Variants in STPG2 observed in about 807,000 individuals in gnomAD.
STPG2 encodes the protein sperm tail PG-rich repeat containing 2, also known as sperm-tail PG-rich repeat-containing protein 2.
In STPG2, 56 loss-of-function variants were observed where a neutral mutation model predicts 54.2. The observed-to-expected ratio is 1.03, with a 90% CI of 0.83 to 1.29. The LOEUF is 1.29. Ranked by LOEUF, STPG2 falls within the 50% of genes most tolerant of loss-of-function variation. STPG2 has a pLI of 0.00. For missense variants in STPG2, 596 were observed against 544.9 expected (o/e 1.09, Z -0.93); for synonymous variants, 200 against 181.8 (o/e 1.10, Z -0.81).
chr4:97,760,604 A>T (rs988989740), intron 9 of STPG2, among the ~76,000 whole-genome samples: 1 of 152,176 alleles, frequency 6.6e-6, no homozygotes, highest in Non-Finnish European at 1.5e-5. Context: ...GAAACAGATG[A>T]GAATCAGAAA....
chr4:97,541,134 A>C (rs1731692267), intron 4 of STPG2, among the ~76,000 whole-genome samples: 1 of 152,204 alleles, frequency 6.6e-6, no homozygotes, highest in Non-Finnish European at 1.5e-5. Context: ...ATCAGGCAGG[A>C]GAAGGAAATA....
At chr4:97,963,112 T>A (rs1257401792) in intron 7 of STPG2, among the ~76,000 whole-genome samples, 1 of 152,004 alleles carries the variant, frequency 6.6e-6, no homozygotes, top group African/African-American at 2.4e-5. Flanking sequence ...TGAGCAGACA[T>A]CGCACCATTG....
At chr4:97,987,398 G>T (rs1391090147) in intron 5 of STPG2, among the ~76,000 whole-genome samples, 1 of 152,052 alleles carries the variant, frequency 6.6e-6, no homozygotes, top group Admixed American at 6.5e-5. Flanking sequence ...AAATCAACGT[G>T]TTTTTTCCAT....
chr4:97,595,184 A>G (rs937411569), intron 10 of STPG2, among the ~76,000 whole-genome samples: 13 of 152,196 alleles, frequency 8.5e-5, no homozygotes, highest in Non-Finnish European at 1.2e-4. Context: ...ACAATAGCAA[A>G]GACTTGGAAC....
chr4:97,946,982 C>A (rs1733252131), intron 7 of STPG2, among the ~76,000 whole-genome samples: 1 of 152,064 alleles, frequency 6.6e-6, no homozygotes, highest in South Asian at 2.1e-4. Context: ...TTGCTTTGGG[C>A]AGTATGGTCA....
chr4:97,873,175 TTCTC>T (rs1202314829), intron 8 of STPG2, among the ~76,000 whole-genome samples: 2 of 151,360 alleles, frequency 1.3e-5, no homozygotes, highest in Non-Finnish European at 3.0e-5. Flanking sequence ...TTTTCTTTCT[TTCTC>T]TCTCCCTCCC....
rs138267708 is a variant in STPG2, at chr4:97,452,865, G to C, written c.462+259834C>G. Among the ~76,000 whole-genome samples, 279 of 152,300 alleles carry C rather than the reference G, an allele frequency of 1.8e-3. 1 individual carries two copies. Among genetic ancestry groups the C allele is most frequent in the African/African-American group, 6.4e-3 (266 of 41,582 alleles). ...CACTCATCAGAACGCCCTGACTGTG[G>C]AAAGGAGCTATCCCCTGTGGGTCTC... is the stretch of plus-strand genomic sequence containing the variant. On this transcript the variant is annotated intron_variant, in intron 4 of 4. Transcript: ENST00000522676.
chr4:98,054,968 C>T (rs1737436751), intron 5 of STPG2, among the ~76,000 whole-genome samples: 1 of 152,086 alleles, frequency 6.6e-6, no homozygotes, highest in Admixed American at 6.5e-5. Context: ...AAATGTATAG[C>T]TGTTAGCCCT....
Position 98,128,476 on chromosome 4 carries a change from T to G in STPG2, c.339A>C (p.Pro113=). ...GACCAAGTGTACTGTCACAAGCAGG[T>G]GGAAAACATTTTATAATACTGCCAT... ...NDDGSIIKCF[P]PACDSTLGPA... Residue 113 remains proline (P), a synonymous_variant, in exon 3 of 11, where the codon CCA becomes CCC. Transcript: ENST00000295268. The G allele has an allele frequency of 1.2e-6, 2 of 1,613,528 alleles. No individual in the cohort carries two copies. The highest frequency in any genetic ancestry group is 1.7e-6 in the Non-Finnish European group (2 of 1,179,772).
intron 9 of STPG2, among the ~76,000 whole-genome samples, chr4:97,829,731 C>A (rs1728387241): frequency 6.6e-6 from 1 of 151,780 alleles, no homozygotes; most frequent in South Asian, 2.1e-4. Context: ...GAAGCATATA[C>A]AAGTATCAAT....
intron 8 of STPG2, among the ~76,000 whole-genome samples, chr4:97,857,672 G>C (rs919634512): frequency 6.6e-6 from 1 of 151,556 alleles, no homozygotes; most frequent in Non-Finnish European, 1.5e-5. Flanking sequence ...TCTGATAAAA[G>C]AAAATCACCA....
intron 5 of STPG2, among the ~76,000 whole-genome samples, chr4:97,985,036 CT>C (rs1734788948): frequency 7.4e-6 from 1 of 135,626 alleles, no homozygotes; most frequent in Non-Finnish European, 1.6e-5. Flanking sequence ...ATTTTCCTAT[CT>C]TTTTTAAACA....
chr4:97,879,143 T>G (rs1305950122), intron 8 of STPG2, among the ~76,000 whole-genome samples: 1 of 145,502 alleles, frequency 6.9e-6, no homozygotes, highest in African/African-American at 2.8e-5. Flanking sequence ...TGCATATCAT[T>G]ATCAGAATTT....
intron 5 of STPG2, among the ~76,000 whole-genome samples, chr4:98,096,046 T>A (rs1020717264): frequency 1.3e-5 from 2 of 152,136 alleles, no homozygotes; most frequent in Non-Finnish European, 2.9e-5. Flanking sequence ...AATTAAGCAA[T>A]ATGCTCCTTA....
intron 9 of STPG2, among the ~76,000 whole-genome samples, chr4:97,827,092 G>A (rs1445593560): frequency 6.6e-6 from 1 of 152,184 alleles, no homozygotes; most frequent in South Asian, 2.1e-4. Context: ...CAGCTGAAAT[G>A]TTCCTGAACA....
chr4:97,457,079 CA>C (rs1057284275), intron 4 of STPG2, among the ~76,000 whole-genome samples: 6 of 151,948 alleles, frequency 3.9e-5, no homozygotes, highest in African/African-American at 1.5e-4. Context: ...TCCGAATGAT[CA>C]AAAAGCAAAA....
chr4:98,105,701 CTT>C (rs1739168733), intron 5 of STPG2, among the ~76,000 whole-genome samples: 2 of 151,876 alleles, frequency 1.3e-5, no homozygotes, highest in South Asian at 2.1e-4. Flanking sequence ...GTGTTCTACC[CTT>C]TGTTTCATTT....
At chr4:97,849,458 G>A (rs1729079095) in intron 8 of STPG2, among the ~76,000 whole-genome samples, 1 of 152,094 alleles carries the variant, frequency 6.6e-6, no homozygotes, top group South Asian at 2.1e-4. Flanking sequence ...CACAGTGAAA[G>A]AAACTACCAT....
intron 5 of STPG2, among the ~76,000 whole-genome samples, chr4:98,073,552 T>C (rs1807252): frequency 0.4 from 59,959 of 151,608 alleles, 12,052 homozygotes; most frequent in Middle Eastern, 0.46. Flanking sequence ...ATGAGGAAAC[T>C]TCATCTCTAC....
Sources: allele counts gnomAD v4.1 joint callset (sites outside exome capture counted in the v4.1 genomes callset), GRCh38; gene constraint gnomAD v4.1.1; transcripts MANE v1.5; gene names NCBI Gene and HGNC (gene_info 2026-07-23, HGNC 2026-07-21).